The following HSD17B4 variants were observed in gnomAD, a reference collection of about 807,000 sequenced individuals.
HSD17B4 encodes hydroxysteroid 17-beta dehydrogenase 4, also known as peroxisomal multifunctional enzyme type 2.
A neutral mutation model predicts 101.0 loss-of-function variants in HSD17B4; 70 were observed. That is an observed-to-expected ratio of 0.69 (90% CI 0.57 to 0.85). The LOEUF (loss-of-function observed/expected upper bound fraction) is 0.85. Ranked by LOEUF, HSD17B4 falls within the 40% of genes least tolerant of loss-of-function variation. The probability of loss-of-function intolerance (pLI) is 0.00; values close to 1 mark genes in which losing one functional copy is unlikely to be tolerated. For synonymous variants in HSD17B4, 347 were observed against 297.1 expected, an observed-to-expected ratio of 1.17 and a Z score of -1.73; for missense variants, 984 against 892.4, an observed-to-expected ratio of 1.10 and a Z score of -1.31.
intron 8 of HSD17B4, among the ~76,000 whole-genome samples, chr5:119,488,047 T>G (rs1202593986): frequency 6.6e-6 from 1 of 152,192 alleles, no homozygotes; most frequent in Non-Finnish European, 1.5e-5. Flanking sequence ...TTTAACACAT[T>G]AATACAAAAT....
intron 23 of HSD17B4, among the ~76,000 whole-genome samples, chr5:119,541,207 C>A (rs1455912496): frequency 6.6e-6 from 1 of 152,150 alleles, no homozygotes; most frequent in Non-Finnish European, 1.5e-5. Flanking sequence ...CCAGCTTTTG[C>A]TTGGTAATGA....
At chr5:119,506,120 A>G (rs1751627320) in intron 14 of HSD17B4, among the ~76,000 whole-genome samples, 1 of 152,088 alleles carries the variant, frequency 6.6e-6, no homozygotes, top group African/African-American at 2.4e-5. Context: ...GCACACATCA[A>G]CCCGTCACCT....
chr5:119,525,654 C>T lies in HSD17B4; in HGVS notation c.1574-263C>T, dbSNP rs1753520074. On this transcript the variant is annotated intron_variant, in intron 18 of 23. Coordinates refer to ENST00000510025, the MANE Select transcript of HSD17B4 (RefSeq NM_000414.4). The stretch of plus-strand genomic sequence containing the variant: ...AGTACCCTGGATGATTTCATGGTTA[C>T]AACCAAAACTAAACAAAACAATTGT... 7.5e-6 allele frequency: 4 copies of T among 531,358 alleles called. No individual in the cohort carries two copies. The East Asian group carries it at 1.3e-4, about 18-fold the overall frequency. The allele number at this position is 531,358 out of a possible 1,614,324, so 32.9% of individuals were successfully genotyped here. A position where few individuals can be genotyped will look rare whatever the true frequency, so the allele number is the denominator to read the frequency against.
chr5:119,485,374 C>G (rs1048078073), intron 8 of HSD17B4, among the ~76,000 whole-genome samples: 1 of 152,114 alleles, frequency 6.6e-6, no homozygotes, highest in Non-Finnish European at 1.5e-5. Context: ...CTACCATGCT[C>G]TAGTAAAAGA....
intron 21 of HSD17B4, among the ~76,000 whole-genome samples, chr5:119,530,845 C>CAAAAAAAAAAAA (rs11423247): frequency 3.6e-5 from 2 of 56,242 alleles, no homozygotes; most frequent in East Asian, 9.9e-4. Context: ...AAGTCTGTCT[C>CAAAAAAAAAAAA]AAAAAAAAAA....
chr5:119,527,218 A>T lies in HSD17B4; in HGVS notation c.1766A>T (p.Lys589Met). The change falls in exon 20 of 24, where the codon AAG (lysine) becomes ATG (methionine). Residue 589 changes from lysine to methionine, a missense_variant and splice_region_variant. By Grantham distance (95) the Lys-to-Met change is moderately conservative. Transcript: ENST00000510025. ...KEGNRIHFQTKVQETGDIVIS... is the reference protein window; with the variant it reads ...KEGNRIHFQTMVQETGDIVIS... ...GGAAACAGAATTCATTTTCAAACCA[A>T]GGTATGAATTTTGCTTTTTCACCCT... The T allele has an allele frequency of 3.1e-6, 5 of 1,589,354 alleles. No homozygotes were observed. In the Middle Eastern group the frequency reaches 8.4e-4, roughly 268 times the overall value.
At chr5:119,485,027 C>T (rs1200262484) in intron 8 of HSD17B4, among the ~76,000 whole-genome samples, 1 of 152,062 alleles carries the variant, frequency 6.6e-6, no homozygotes, top group African/African-American at 2.4e-5. Context: ...AGAAATAAAG[C>T]ATGAAAATGT....
chr5:119,465,652 CT>C (rs1308293708), intron 2 of HSD17B4, among the ~76,000 whole-genome samples: 1 of 152,190 alleles, frequency 6.6e-6, no homozygotes, highest in Non-Finnish European at 1.5e-5. Flanking sequence ...AGAAATGCTA[CT>C]GATTTTTGTA....
At chr5:119,478,538 C>G (rs1374243985) in intron 7 of HSD17B4, among the ~76,000 whole-genome samples, 1 of 152,028 alleles carries the variant, frequency 6.6e-6, no homozygotes, top group African/African-American at 2.4e-5. Context: ...TTTAATATTT[C>G]TTGCTAAAAT....
chr5:119,478,734 A>G (rs1281130487), intron 7 of HSD17B4, 100 bp from the exon 8 acceptor site: 1 of 850,802 alleles, frequency 1.2e-6, no homozygotes, highest in Non-Finnish European at 2.0e-6. Context: ...CAGTACACAT[A>G]GTTGCTTTTG....
chr5:119,529,436 C>G (rs1212995812), intron 20 of HSD17B4, among the ~76,000 whole-genome samples: 3 of 152,148 alleles, frequency 2.0e-5, no homozygotes, highest in African/African-American at 7.2e-5. Context: ...ATTAGCAGAA[C>G]AAATGTACTT....
chr5:119,526,081 G>A, intron 19 of HSD17B4, 58 bp downstream of exon 19: 11 of 966,706 alleles, frequency 1.1e-5, no homozygotes, highest in Non-Finnish European at 1.9e-5. Context: ...CTTTAGAGAA[G>A]AAAAGGGGTT....
intron 20 of HSD17B4, 114 bp from the exon 21 acceptor site, chr5:119,529,780 A>G: frequency 4.4e-6 from 3 of 689,534 alleles, no homozygotes; most frequent in Non-Finnish European, 7.7e-6. Flanking sequence ...GGATTATTAT[A>G]TTCTTTTTCA....
rs566990969 is a variant in HSD17B4, at chr5:119,473,947, G to C, written c.152G>C (p.Gly51Ala). Residue 51 changes from glycine to alanine, a missense_variant, in exon 3 of 24, where the codon GGC (glycine) becomes GCC (alanine). Transcript: ENST00000510025. Reference sequence around the variant, plus strand: ...GGGGACTTCAAAGGAGTTGGTAAAGGCTCCTTAGCTGCTGATAAGGTTGTT... The same window carrying C: ...GGGGACTTCAAAGGAGTTGGTAAAGCCTCCTTAGCTGCTGATAAGGTTGTT... Reference protein sequence around the residue: ...LGGDFKGVGKGSLAADKVVEE... With the variant: ...LGGDFKGVGKASLAADKVVEE... 3.1e-6 allele frequency: 5 copies of C among 1,611,946 alleles called. No individual in the cohort carries two copies. In the African/African-American group the frequency reaches 4.0e-5, roughly 13 times the overall value.
At chr5:119,479,486 A>C (rs941631593) in intron 8 of HSD17B4, among the ~76,000 whole-genome samples, 1 of 152,130 alleles carries the variant, frequency 6.6e-6, no homozygotes, top group African/African-American at 2.4e-5. Context: ...ATGATAAGCT[A>C]AAGTTCGTCG....
chr5:119,542,212 C>A lies in HSD17B4; in HGVS notation c.*218C>A. On this transcript the variant is annotated 3_prime_UTR_variant, in exon 24 of 24. Transcript: ENST00000510025. ...TATAAGCTAGCACATAATTATCCTT[C>A]TGTTCTTAGATCTGTATCTTCATAA... 2.1e-6 allele frequency: 1 copy of A among 465,318 alleles called. No homozygotes were observed. The highest frequency in any genetic ancestry group is 3.9e-6 in the Non-Finnish European group (1 of 259,090). The allele number at this position is 465,318 out of a possible 1,614,324, so 28.8% of individuals were successfully genotyped here. A position where few individuals can be genotyped will look rare whatever the true frequency, so the allele number is the denominator to read the frequency against.
At chr5:119,521,992 T>C (rs945738992) in intron 17 of HSD17B4, among the ~76,000 whole-genome samples, 2 of 152,038 alleles carry the variant, frequency 1.3e-5, no homozygotes, top group Non-Finnish European at 2.9e-5. Flanking sequence ...AATGTGCAGG[T>C]TTGTTACATA....
chr5:119,536,235 C>T (rs1754521788), intron 22 of HSD17B4, 188 bp from the exon 23 acceptor site: 2 of 562,458 alleles, frequency 3.6e-6, no homozygotes, highest in African/African-American at 3.8e-5. Flanking sequence ...TTTCTGTATT[C>T]TTGTATTTCT....
chr5:119,501,440 A>G (rs987296351), intron 13 of HSD17B4, among the ~76,000 whole-genome samples: 24 of 151,330 alleles, frequency 1.6e-4, no homozygotes, highest in East Asian at 2.0e-4. Flanking sequence ...TTGTTTTCCT[A>G]TATACCTTGG....
Sources: gnomAD v4.1 joint callset for allele counts (sites outside exome capture counted in the v4.1 genomes callset) on GRCh38, gnomAD v4.1.1 for gene constraint, MANE v1.5 for transcripts, NCBI Gene and HGNC (gene_info 2026-07-23, HGNC 2026-07-21) for gene names.